Variants in SPPL3 observed in about 807,000 individuals in gnomAD.
The protein encoded by SPPL3 is signal peptide peptidase like 3.
Under a neutral mutation model 42.4 loss-of-function variants are expected in SPPL3, and 5 were observed. That is an observed-to-expected ratio of 0.12 (90% CI 0.06 to 0.25). The LOEUF is 0.25. Ranked by LOEUF, SPPL3 falls within the 10% of genes least tolerant of loss-of-function variation. The pLI is 1.00. For synonymous variants in SPPL3, 195 were observed against 181.8 expected, an observed-to-expected ratio of 1.07 and a Z score of -0.58; for missense variants, 235 against 489.0, an observed-to-expected ratio of 0.48 and a Z score of 4.90.
Position 120,800,144 on chromosome 12 carries a change from T to C in SPPL3, c.102-8587A>G, listed in dbSNP as rs143312308. Among the ~76,000 whole-genome samples the C allele has an allele frequency of 1.7e-3, 260 of 152,316 alleles. 2 individuals are homozygous for C. Among genetic ancestry groups the C allele is most frequent in the African/African-American group, 6.0e-3 (250 of 41,560 alleles). ...ATACAGTAACATAATATGATGTTAA[T>C]ATAACGTTATAAATATACATTCCAT... On this transcript the variant is annotated intron_variant, in intron 2 of 10. Transcript: ENST00000353487.
intron 1 of SPPL3, among the ~76,000 whole-genome samples, chr12:120,818,602 G>T (rs1238208984): frequency 6.6e-6 from 1 of 152,208 alleles, no homozygotes; most frequent in Non-Finnish European, 1.5e-5. Context: ...CGTGTTCTAT[G>T]TGTCAGCCTT....
intron 4 of SPPL3, 37 bp from the exon 5 acceptor site, chr12:120,783,789 A>T: frequency 6.3e-7 from 1 of 1,576,182 alleles, no homozygotes; most frequent in Middle Eastern, 1.7e-4. Flanking sequence ...TAAAACAATT[A>T]TAAGAAAAAT....
chr12:120,767,669 A>G (rs1280842503), intron 8 of SPPL3, 76 bp from the exon 9 acceptor site: 1 of 1,483,836 alleles, frequency 6.7e-7, no homozygotes, highest in East Asian at 2.3e-5. Flanking sequence ...AAAGTTTGTT[A>G]GCTTTTTAAG....
intron 2 of SPPL3, 65 bp downstream of exon 2, chr12:120,810,744 C>G (rs943360532): frequency 1.4e-5 from 18 of 1,315,662 alleles, no homozygotes; most frequent in Non-Finnish European, 1.8e-5. Context: ...GGTACCAGCA[C>G]TTTCAGAGCA....
chr12:120,859,333 A>C (rs1035775336), intron 1 of SPPL3, among the ~76,000 whole-genome samples: 1 of 152,188 alleles, frequency 6.6e-6, no homozygotes, highest in Non-Finnish European at 1.5e-5. Flanking sequence ...GGATTTTGTG[A>C]TATCAGATGC....
intron 3 of SPPL3, among the ~76,000 whole-genome samples, chr12:120,790,574 C>T (rs1260569553): frequency 2.6e-5 from 4 of 152,162 alleles, no homozygotes; most frequent in Non-Finnish European, 4.4e-5. Flanking sequence ...ACTTCTCCAC[C>T]AATCCACATT....
intron 1 of SPPL3, among the ~76,000 whole-genome samples, chr12:120,833,222 G>T (rs1007239210): frequency 1.3e-5 from 2 of 152,086 alleles, no homozygotes; most frequent in Non-Finnish European, 2.9e-5. Context: ...CAATAAGAAC[G>T]ATGGCATAAT....
chr12:120,819,268 G>C (rs1164370088), intron 1 of SPPL3, among the ~76,000 whole-genome samples: 1 of 150,628 alleles, frequency 6.6e-6, no homozygotes, highest in Non-Finnish European at 1.5e-5. Flanking sequence ...GGACTATCCT[G>C]AACTTTGTGT....
At chr12:120,795,131 A>T (rs1870055257) in intron 2 of SPPL3, among the ~76,000 whole-genome samples, 1 of 152,006 alleles carries the variant, frequency 6.6e-6, no homozygotes, top group African/African-American at 2.4e-5. Context: ...TCATTCTTTC[A>T]TTCATCTTGC....
chr12:120,818,884 A>G (rs757071594), intron 1 of SPPL3, among the ~76,000 whole-genome samples: 5 of 152,260 alleles, frequency 3.3e-5, no homozygotes, highest in Admixed American at 6.5e-5. Flanking sequence ...TAAAGGGCAA[A>G]TATCTATTTT....
At chr12:120,896,150 AT>A (rs1873795694) in intron 1 of SPPL3, among the ~76,000 whole-genome samples, 3 of 152,138 alleles carry the variant, frequency 2.0e-5, no homozygotes, top group Admixed American at 2.0e-4. Context: ...AAGAAATGGG[AT>A]TTTCCATAAG....
At chr12:120,886,661 GA>G (rs1208037986) in intron 1 of SPPL3, among the ~76,000 whole-genome samples, 1 of 152,070 alleles carries the variant, frequency 6.6e-6, no homozygotes, top group Non-Finnish European at 1.5e-5. Context: ...CTTCCTCTCT[GA>G]AACCCTCTAA....
chr12:120,836,910 T>A lies in SPPL3; in HGVS notation c.24-26024A>T, dbSNP rs757467323. Among the ~76,000 whole-genome samples, 10 of 152,264 alleles carry A rather than the reference T, an allele frequency of 6.6e-5. No individual in the cohort carries two copies. In the East Asian group the frequency reaches 1.9e-3, roughly 29 times the overall value. On this transcript the variant is annotated intron_variant, in intron 1 of 10. Transcript: ENST00000353487. ...TAAATGGGTTGTATCAATGCCAATATCCTGATTGTGTTGTTAAGAGTTTTA... is the reference window on the plus strand; with the variant it reads ...TAAATGGGTTGTATCAATGCCAATAACCTGATTGTGTTGTTAAGAGTTTTA...
rs368565046 is a variant in SPPL3, at chr12:120,768,700, C to T, written c.610-212G>A. 6.9e-4 allele frequency: 453 copies of T among 653,412 alleles called. 3 individuals carry two copies. In the African/African-American group the frequency reaches 7.3e-3, roughly 11 times the overall value. The allele number at this position is 653,412 out of a possible 1,614,324, so 40.5% of individuals were successfully genotyped here. ...GAGATTACTCCCTGACGGGGTGGCC[C>T]CCACTGCAGCGAATCTTGTCAGCCT... On this transcript the variant is annotated intron_variant, in intron 7 of 10. Transcript: ENST00000353487.
chr12:120,899,874 G>A (rs899118897), intron 1 of SPPL3, among the ~76,000 whole-genome samples: 1 of 100,418 alleles, frequency 1.0e-5, no homozygotes, highest in Admixed American at 1.6e-4. Flanking sequence ...GGGCGACAGA[G>A]CAAGACCCTG....
intron 6 of SPPL3, among the ~76,000 whole-genome samples, chr12:120,780,445 C>A (rs1451947696): frequency 4.0e-5 from 6 of 151,052 alleles, no homozygotes; most frequent in African/African-American, 1.5e-4. Context: ...AAGGCCCTGT[C>A]TCCAAACAAA....
At chr12:120,815,399 CTTTTT>C (rs796685290) in intron 1 of SPPL3, among the ~76,000 whole-genome samples, 3 of 152,116 alleles carry the variant, frequency 2.0e-5, no homozygotes, top group Admixed American at 6.5e-5. Context: ...AGCAGCTTTT[CTTTTT>C]TATGATTAAA....
chr12:120,805,473 T>C (rs950252059), intron 2 of SPPL3, among the ~76,000 whole-genome samples: 1 of 152,210 alleles, frequency 6.6e-6, no homozygotes, highest in African/African-American at 2.4e-5. Context: ...AGGGCAAGGA[T>C]GGATGTGTGC....
intron 1 of SPPL3, chr12:120,845,155 T>C (rs552991784): frequency 1.1e-5 from 5 of 461,208 alleles, no homozygotes; most frequent in African/African-American, 6.1e-5. Context: ...CAGTCCTTGA[T>C]AGAGCCCGTC....
Sources: allele counts gnomAD v4.1 joint callset (sites outside exome capture counted in the v4.1 genomes callset), GRCh38; gene constraint gnomAD v4.1.1; transcripts MANE v1.5; gene names NCBI Gene and HGNC (gene_info 2026-07-23, HGNC 2026-07-21).